The following MYLIP variants were observed in gnomAD, a reference collection of about 807,000 sequenced individuals.
The protein encoded by MYLIP is myosin regulatory light chain interacting protein.
A neutral mutation model predicts 45.8 loss-of-function variants in MYLIP; 26 were observed. The observed-to-expected ratio is 0.57, with a 90% CI of 0.42 to 0.79. The LOEUF (loss-of-function observed/expected upper bound fraction) is 0.79. Ranked by LOEUF, MYLIP falls within the 30% of genes least tolerant of loss-of-function variation. The pLI is 0.00. For missense variants in MYLIP, 494 were observed against 555.6 expected (o/e 0.89, Z 1.11); for synonymous variants, 213 against 218.1 (o/e 0.98, Z 0.21).
rs908337097 is a variant in MYLIP, at chr6:16,129,668, C to G, written c.87+259C>G. On this transcript the variant is annotated intron_variant, in intron 1 of 6. Transcript: ENST00000356840. The surrounding 1 kb of genome is among the most constrained non-coding windows in gnomAD (Gnocchi z 5.1). ...CGCAGCCCGCAGCCGGGATCCACCC[C>G]CCAGCGCCCCATCATCCCCCCAACC... Among the ~76,000 whole-genome samples the G allele has an allele frequency of 1.3e-5, 2 of 152,176 alleles. No individual in the cohort carries two copies. The highest frequency in any genetic ancestry group is 4.8e-5 in the African/African-American group (2 of 41,456).
the MYLIP span, chr6:16,163,379 C>G: frequency 6.6e-6 from 1 of 152,184 alleles, no homozygotes; most frequent in Admixed American, 6.5e-5. Flanking sequence ...GAAATTGTCT[C>G]TATCACCTGT....
intron 3 of MYLIP, among the ~76,000 whole-genome samples, chr6:16,142,504 G>C (rs1314729172): frequency 6.6e-6 from 1 of 152,166 alleles, no homozygotes; most frequent in Non-Finnish European, 1.5e-5. Flanking sequence ...TCACAGTTCT[G>C]TAGGTCAGGA....
At chr6:16,157,806 G>A in the MYLIP span, among the ~76,000 whole-genome samples, 10 of 152,210 alleles carry the variant, frequency 6.6e-5, no homozygotes, top group African/African-American at 9.7e-5. Flanking sequence ...CCAGGTTAAC[G>A]GGCAGCCCTA....
chr6:16,161,181 C>T, the MYLIP span: 1 of 213,232 alleles, frequency 4.7e-6, no homozygotes, highest in South Asian at 7.6e-5. Context: ...CGCTTGTCTT[C>T]GTAGGAGTGA....
chr6:16,154,096 C>T, the MYLIP span, among the ~76,000 whole-genome samples: 1 of 152,054 alleles, frequency 6.6e-6, no homozygotes, highest in African/African-American at 2.4e-5. Flanking sequence ...AGAGCTTTTC[C>T]CTCTTCATAT....
At chr6:16,160,181 T>C in the MYLIP span, among the ~76,000 whole-genome samples, 1 of 152,196 alleles carries the variant, frequency 6.6e-6, no homozygotes, top group Non-Finnish European at 1.5e-5. Flanking sequence ...GTCTTCATTG[T>C]AGTGGTGGTG....
At chr6:16,138,307 T>A (rs1293520503) in intron 2 of MYLIP, among the ~76,000 whole-genome samples, 1 of 151,776 alleles carries the variant, frequency 6.6e-6, no homozygotes, top group Non-Finnish European at 1.5e-5. Flanking sequence ...TTGGTAACAT[T>A]TTGCCTACTT....
At chr6:16,140,026 G>T (rs190904167) in intron 2 of MYLIP, among the ~76,000 whole-genome samples, 404 of 152,254 alleles carry the variant, frequency 2.7e-3, no homozygotes, top group Non-Finnish European at 4.2e-3. Context: ...TAGATTTGTA[G>T]CCTCACTGCC....
At position 16,129,517 on chromosome 6, in the gene MYLIP, T is replaced by A. The variant is rs1418956140; in HGVS notation, c.87+108T>A. Reference sequence around the variant, plus strand: ...CCCCCTACTAGGGGCCGGGAGGCACTGCGGCGGCAGCCGGGGGGAGCGCGT... The same window carrying A: ...CCCCCTACTAGGGGCCGGGAGGCACAGCGGCGGCAGCCGGGGGGAGCGCGT... On this transcript the variant is annotated intron_variant, in intron 1 of 6. Transcript: ENST00000356840. The surrounding 1 kb of genome is among the most constrained non-coding windows in gnomAD (Gnocchi z 5.1). 3 of 1,115,750 alleles carry A rather than the reference T, an allele frequency of 2.7e-6. No homozygotes were observed. The East Asian group carries it at 8.1e-5, about 30-fold the overall frequency. 69.1% of individuals were successfully genotyped at this position (1,115,750 alleles called of 1,614,324 possible). A position where few individuals can be genotyped will look rare whatever the true frequency, so the allele number is the denominator to read the frequency against.
At chr6:16,157,776 G>A in the MYLIP span, among the ~76,000 whole-genome samples, 15 of 152,252 alleles carry the variant, frequency 9.9e-5, no homozygotes, top group Non-Finnish European at 1.6e-4. Context: ...GATGGGGGCT[G>A]AGACTCGTAC....
At chr6:16,132,352 G>A (rs1237691526) in intron 2 of MYLIP, among the ~76,000 whole-genome samples, 1 of 152,140 alleles carries the variant, frequency 6.6e-6, no homozygotes, top group Non-Finnish European at 1.5e-5. Context: ...GTAAGAAATA[G>A]AGACATTTTA....
chr6:16,161,152 G>GC, the MYLIP span: 2 of 175,912 alleles, frequency 1.1e-5, no homozygotes, highest in Admixed American at 1.2e-4. Context: ...CTGCTTCTTT[G>GC]CCCTCTATGG....
At chr6:16,151,131 C>T (rs1468213495), downstream of MYLIP, among the ~76,000 whole-genome samples, 1 of 151,644 alleles carries the variant, frequency 6.6e-6, no homozygotes, top group Non-Finnish European at 1.5e-5. Context: ...GGGTGGATCA[C>T]GAGGTCGGGA....
chr6:16,150,151 G>A (rs1301609066), downstream of MYLIP, among the ~76,000 whole-genome samples: 1 of 152,194 alleles, frequency 6.6e-6, no homozygotes, highest in Non-Finnish European at 1.5e-5. Flanking sequence ...CACATCTAAA[G>A]TGAACAGCGA....
rs1278745159 is a variant in MYLIP, at chr6:16,145,089, A to G, written c.1020A>G (p.Ser340=). 3.1e-6 allele frequency: 5 copies of G among 1,614,210 alleles called. No homozygotes were observed. In the South Asian group the frequency reaches 5.5e-5, roughly 18 times the overall value. Residue 340 remains serine, a synonymous_variant, in exon 6 of 7, where the codon TCA becomes TCG. Coordinates refer to ENST00000356840, the MANE Select transcript of MYLIP (RefSeq NM_013262.4). ...LYNAGVVDLV[S]RNNQSPSHSP... ...ATGCTGGCGTTGTGGACCTCGTTTCAAGAAACAACCAGAGCCCTTCACACT... is the reference window on the plus strand; with the variant it reads ...ATGCTGGCGTTGTGGACCTCGTTTCGAGAAACAACCAGAGCCCTTCACACT...
At chr6:16,142,319 T>A (rs978349285) in intron 3 of MYLIP, among the ~76,000 whole-genome samples, 14 of 152,252 alleles carry the variant, frequency 9.2e-5, no homozygotes, top group African/African-American at 2.7e-4. Context: ...GGGAATTTTT[T>A]AAATCTGTGC....
At position 16,143,687 on chromosome 6, in the gene MYLIP, C is replaced by T. The variant is rs377214864; in HGVS notation, c.663-12C>T. 1.1e-5 allele frequency: 17 copies of T among 1,613,008 alleles called. No homozygotes were observed. In the African/African-American group the frequency reaches 2.0e-4, roughly 19 times the overall value. On this transcript the variant is annotated splice_polypyrimidine_tract_variant and intron_variant, in intron 4 of 6. Transcript: ENST00000356840. ...TTCTAGATCTGCTTTCTTTTCTCTT[C>T]CTGTCTCTTAGGATAGCTTATCCTG...
downstream of MYLIP, among the ~76,000 whole-genome samples, chr6:16,152,402 A>G (rs1759889270): frequency 6.6e-6 from 1 of 152,228 alleles, no homozygotes; most frequent in South Asian, 2.1e-4. Flanking sequence ...GCCCCCAGGA[A>G]GCACTGAGCA....
chr6:16,141,574 T>C (rs931710265), intron 2 of MYLIP, 51 bp from the exon 3 acceptor site: 1 of 1,502,938 alleles, frequency 6.7e-7, no homozygotes, highest in Non-Finnish European at 9.1e-7. Context: ...TAGGCTGAGA[T>C]TGATGTCAGG....
Sources: gnomAD v4.1 joint callset for allele counts (sites outside exome capture counted in the v4.1 genomes callset) on GRCh38, gnomAD v4.1.1 for gene constraint, Gnocchi (gnomAD v3.1) non-coding constraint, MANE v1.5 for transcripts, NCBI Gene and HGNC (gene_info 2026-07-23, HGNC 2026-07-21) for gene names.